The following CREB3L4 variants were observed in gnomAD, a reference collection of about 807,000 sequenced individuals.
CREB3L4 encodes cyclic AMP-responsive element-binding protein 3-like protein 4.
In CREB3L4, 28 loss-of-function variants were observed where a neutral mutation model predicts 37.0. The ratio of observed to expected loss-of-function variants is 0.76; its 90% CI spans 0.56 to 1.04. The LOEUF (loss-of-function observed/expected upper bound fraction) is 1.04, where lower values mean the gene tolerates loss of function less well. CREB3L4 is among the 50% of genes least tolerant of loss of function. CREB3L4 has a pLI of 0.00. For missense variants in CREB3L4, 462 were observed against 486.0 expected (o/e 0.95, Z 0.46); for synonymous variants, 175 against 192.2 (o/e 0.91, Z 0.74).
chr1:153,968,237 A>C, intron 1 of CREB3L4, 73 bp downstream of exon 1: 2 of 245,308 alleles, frequency 8.2e-6, no homozygotes, highest in South Asian at 9.0e-5. Context: ...AGATCCTGGA[A>C]GAAAGAAAAG....
rs1210333701 is a variant in CREB3L4, at chr1:153,968,622, C to A, written c.97C>A (p.Pro33Thr). 1.9e-6 allele frequency: 3 copies of A among 1,614,058 alleles called. No homozygotes were observed. Among genetic ancestry groups the A allele is most frequent in the Admixed American group, 3.3e-5 (2 of 60,016 alleles). Residue 33 changes from proline to threonine, a missense_variant, in exon 2 of 10, where the codon CCC becomes ACC. Coordinates refer to ENST00000368607, the MANE Select transcript of CREB3L4 (RefSeq NM_001255978.2). ...CGTCCTGGAGCTGGGACTCCACTGC[C>A]CCCCTCCAGAGGTTCCGGTAACTAG... ...GSVLELGLHC[P>T]PPEVPVTRLQ... is the part of the protein sequence containing the mutation.
At chr1:153,973,354 C>A (rs1038763442) in intron 7 of CREB3L4, 26 bp from the exon 8 acceptor site, 8 of 1,612,982 alleles carry the variant, frequency 5.0e-6, no homozygotes, top group Non-Finnish European at 5.9e-6. Context: ...CCAGATGATA[C>A]TAACTCTTCA....
intron 3 of CREB3L4, 23 bp from the exon 4 acceptor site, chr1:153,969,311 C>A: frequency 1.2e-6 from 2 of 1,614,224 alleles, no homozygotes; most frequent in Non-Finnish European, 1.7e-6. Flanking sequence ...TCCTTTCTCC[C>A]AGCTACCTGT....
chr1:153,971,581 CTTTT>C (rs1322149098), intron 4 of CREB3L4, among the ~76,000 whole-genome samples: 1 of 113,666 alleles, frequency 8.8e-6, no homozygotes, highest in South Asian at 3.2e-4. Flanking sequence ...TTTTCTTTTT[CTTTT>C]TCTTTTTTTT....
intron 4 of CREB3L4, among the ~76,000 whole-genome samples, chr1:153,971,824 C>T (rs939002172): frequency 6.6e-6 from 1 of 151,944 alleles, no homozygotes; most frequent in Admixed American, 6.6e-5. Flanking sequence ...ATGAAGCATA[C>T]ATCTTTTTTT....
intron 1 of CREB3L4, 79 bp downstream of exon 1, chr1:153,968,243 A>T: frequency 3.8e-6 from 1 of 266,066 alleles, no homozygotes; most frequent in Non-Finnish European, 7.1e-6. Context: ...TGGAAGAAAG[A>T]AAAGGTGTAG....
At chr1:153,970,380 C>T (rs543330065) in intron 4 of CREB3L4, among the ~76,000 whole-genome samples, 1 of 152,278 alleles carries the variant, frequency 6.6e-6, no homozygotes, top group African/African-American at 2.4e-5. Context: ...TTAGCCAGAG[C>T]CATTATCTCA....
rs1298163754 is a variant in CREB3L4, at chr1:153,973,618, A to G, written c.898-2A>G. On this transcript the variant is annotated splice_acceptor_variant, in intron 8 of 9. Coordinates refer to ENST00000368607, the MANE Select transcript of CREB3L4 (RefSeq NM_001255978.2). LOFTEE classifies it high-confidence loss of function. ...TCATCTGTTCCTCTTGCTTCCTCCC[A>G]GATTCTTCTTTTTTCCCTGGCTCTC... 5 of 1,611,022 alleles carry G rather than the reference A, an allele frequency of 3.1e-6. No homozygotes were observed. The highest frequency in any genetic ancestry group is 4.2e-6 in the Non-Finnish European group (5 of 1,178,496).
At chr1:153,971,274 A>G (rs1191603893) in intron 4 of CREB3L4, among the ~76,000 whole-genome samples, 1 of 151,716 alleles carries the variant, frequency 6.6e-6, no homozygotes, top group Non-Finnish European at 1.5e-5. Flanking sequence ...AGGCTGAGGC[A>G]GGAGAATCGC....
chr1:153,972,343 T>G (rs1447697229), intron 4 of CREB3L4, among the ~76,000 whole-genome samples: 1 of 152,178 alleles, frequency 6.6e-6, no homozygotes, highest in African/African-American at 2.4e-5. Flanking sequence ...TAACACACTC[T>G]GCTAAATGGA....
Position 153,968,597 on chromosome 1 carries a change from C to G in CREB3L4, c.72C>G (p.Ser24=). 1 of 1,614,086 alleles carries G rather than the reference C, an allele frequency of 6.2e-7. No homozygotes were observed. The highest frequency in any genetic ancestry group is 8.5e-7 in the Non-Finnish European group (1 of 1,180,014). ...CAGAGGATATCTTCTCGACAGGATCCGTCCTGGAGCTGGGACTCCACTGCC... is the reference window on the plus strand; with the variant it reads ...CAGAGGATATCTTCTCGACAGGATCGGTCCTGGAGCTGGGACTCCACTGCC... ...EPPEDIFSTG[S]VLELGLHCPP... Residue 24 remains serine, a synonymous_variant, in exon 2 of 10, where the codon TCC becomes TCG. Coordinates refer to ENST00000368607, the MANE Select transcript of CREB3L4 (RefSeq NM_001255978.2).
Position 153,973,649 on chromosome 1 carries a change from C to A in CREB3L4, c.927C>A (p.Ile309=). ...LILLFSLALI[I]LPSFSPFQSR... is the part of the protein sequence containing the mutation. The stretch of plus-strand genomic sequence containing the variant: ...TTCTTTTTTCCCTGGCTCTCATCAT[C>A]CTGCCCAGCTTCAGTCCATTCCAGA... Residue 309 remains isoleucine, a synonymous_variant, in exon 9 of 10, where the codon ATC becomes ATA. Coordinates refer to ENST00000368607, the MANE Select transcript of CREB3L4 (RefSeq NM_001255978.2). 6.2e-7 allele frequency: 1 copy of A among 1,611,938 alleles called. No individual in the cohort carries two copies. Among genetic ancestry groups the A allele is most frequent in the Non-Finnish European group, 8.5e-7 (1 of 1,178,950 alleles).
At chr1:153,969,622 A>G in intron 4 of CREB3L4, 167 bp downstream of exon 4, 1 of 721,282 alleles carries the variant, frequency 1.4e-6, no homozygotes. Context: ...ACTATTTTTT[A>G]TTTTTTGAGC....
In CREB3L4 at chr1:153,968,971, C is replaced by G. The variant is rs1388926719; in HGVS notation, c.216C>G (p.Phe72Leu). Residue 72 changes from phenylalanine (F) to leucine (L), a missense_variant, in exon 3 of 10, where the codon TTC becomes TTG. Transcript: ENST00000368607. Reference protein sequence around the residue: ...ESEPEDFLKLFIDPNEVYCSE... With the variant: ...ESEPEDFLKLLIDPNEVYCSE... ...AGCCTGAAGATTTCTTGAAGCTTTT[C>G]ATTGATCCCAATGAGGTGTACTGCT... The G allele has an allele frequency of 6.2e-7, 1 of 1,613,532 alleles. No individual in the cohort carries two copies.
intron 1 of CREB3L4, 41 bp from the exon 2 acceptor site, chr1:153,968,481 T>C: frequency 6.3e-7 from 1 of 1,589,154 alleles, no homozygotes; most frequent in Non-Finnish European, 8.6e-7. Context: ...GCAGCCATCA[T>C]TCCGTTTCTG....
chr1:153,968,883 T>C (rs762789225), intron 2 of CREB3L4, 47 bp from the exon 3 acceptor site: 1 of 1,556,540 alleles, frequency 6.4e-7, no homozygotes, highest in Non-Finnish European at 8.7e-7. Context: ...CAGGGAGGAC[T>C]TCCAAAATTC....
intron 4 of CREB3L4, among the ~76,000 whole-genome samples, chr1:153,972,411 T>G (rs1648463444): frequency 6.6e-6 from 1 of 152,248 alleles, no homozygotes; most frequent in African/African-American, 2.4e-5. Flanking sequence ...CAAACTTCAC[T>G]GTAGTGAGTT....
At chr1:153,973,117 C>T in intron 6 of CREB3L4, 39 bp downstream of exon 6, 1 of 1,611,670 alleles carries the variant, frequency 6.2e-7, no homozygotes, top group East Asian at 2.2e-5. Context: ...TGGGCCATGT[C>T]TGGGCCCCTT....
At chr1:153,969,828 C>T (rs752204832) in intron 4 of CREB3L4, 2 of 238,038 alleles carry the variant, frequency 8.4e-6, no homozygotes, top group Non-Finnish European at 1.7e-5. Flanking sequence ...CAGGCTCAGG[C>T]TGGTCTTAAT....
Sources: gnomAD v4.1 joint callset for allele counts (sites outside exome capture counted in the v4.1 genomes callset) on GRCh38, gnomAD v4.1.1 for gene constraint, MANE v1.5 for transcripts, NCBI Gene and HGNC (gene_info 2026-07-23, HGNC 2026-07-21) for gene names.